The following EPHB1 variants were observed in gnomAD, a reference collection of about 807,000 sequenced individuals.
The protein encoded by EPHB1 is ephrin type-B receptor 1.
A neutral mutation model predicts 94.4 loss-of-function variants in EPHB1; 30 were observed. That is an observed-to-expected ratio of 0.32 (90% CI 0.24 to 0.43). The LOEUF is 0.43. EPHB1 is among the 20% of genes least tolerant of loss of function. The probability of loss-of-function intolerance (pLI) is 1.00; values close to 1 mark genes in which losing one functional copy is unlikely to be tolerated. For synonymous variants in EPHB1, 522 were observed against 489.1 expected, an observed-to-expected ratio of 1.07 and a Z score of -0.89; for missense variants, 1,055 against 1,308.3, an observed-to-expected ratio of 0.81 and a Z score of 2.99.
At chr3:135,258,623 T>C (rs1422847509) in intron 15 of EPHB1, among the ~76,000 whole-genome samples, 1 of 152,188 alleles carries the variant, frequency 6.6e-6, no homozygotes, top group East Asian at 1.9e-4. Context: ...GGGTGATCAC[T>C]AATTTAGGCA....
At chr3:135,017,333 A>C (rs1291135721) in intron 3 of EPHB1, among the ~76,000 whole-genome samples, 1 of 152,236 alleles carries the variant, frequency 6.6e-6, no homozygotes, top group Non-Finnish European at 1.5e-5. Flanking sequence ...AGATTTTCCC[A>C]GAGGGGAAAT....
intron 10 of EPHB1, among the ~76,000 whole-genome samples, chr3:135,183,119 A>G (rs1278079984): frequency 7.1e-6 from 1 of 141,520 alleles, no homozygotes; most frequent in Admixed American, 7.5e-5. Flanking sequence ...CTTGACATCA[A>G]TCATAGTGGG....
chr3:135,079,772 G>A (rs761407763), intron 3 of EPHB1, among the ~76,000 whole-genome samples: 4 of 149,150 alleles, frequency 2.7e-5, no homozygotes, highest in Non-Finnish European at 4.4e-5. Flanking sequence ...CTGTCTCAGA[G>A]GCACTGCAGA....
At chr3:135,195,606 T>A (rs1576461142) in intron 11 of EPHB1, among the ~76,000 whole-genome samples, 2 of 148,196 alleles carry the variant, frequency 1.3e-5, no homozygotes, top group South Asian at 4.3e-4. Flanking sequence ...GTTCTCCCGA[T>A]AGTTTACTGA....
chr3:135,171,915 T>A (rs1299443418), intron 9 of EPHB1, among the ~76,000 whole-genome samples: 1 of 152,184 alleles, frequency 6.6e-6, no homozygotes, highest in Admixed American at 6.5e-5. Flanking sequence ...ATTAGTGATT[T>A]GCAAAACAAG....
intron 1 of EPHB1, among the ~76,000 whole-genome samples, chr3:134,831,738 G>A (rs750335953): frequency 3.7e-4 from 56 of 152,150 alleles, no homozygotes; most frequent in Non-Finnish European, 5.9e-4. Context: ...TTTTTGTCCC[G>A]TTTTATAACA....
chr3:134,970,627 G>C (rs771904388), intron 3 of EPHB1, among the ~76,000 whole-genome samples: 1 of 152,070 alleles, frequency 6.6e-6, no homozygotes, highest in East Asian at 1.9e-4. Flanking sequence ...GGATCTGCTT[G>C]TTAACTGATG....
intron 3 of EPHB1, among the ~76,000 whole-genome samples, chr3:135,104,892 T>C (rs1347249801): frequency 6.6e-6 from 1 of 152,234 alleles, no homozygotes; most frequent in African/African-American, 2.4e-5. Context: ...TTTCACAGCA[T>C]AGGAAACAAT....
rs138169227 is a variant in EPHB1, at chr3:135,073,052, A to T, written c.806-33396A>T. ...GGACATTGAATAAATGCAAGTTAAG[A>T]ACTTTCTATAGGCTCTCAGGTTTTT... On this transcript the variant is annotated intron_variant, in intron 3 of 15. Transcript: ENST00000398015. Among the ~76,000 whole-genome samples the T allele has an allele frequency of 2.3e-3, 357 of 152,136 alleles. 1 individual carries two copies. The highest frequency in any genetic ancestry group is 3.7e-3 in the Non-Finnish European group (254 of 67,986).
intron 2 of EPHB1, among the ~76,000 whole-genome samples, chr3:134,937,764 G>A (rs559259058): frequency 9.5e-4 from 144 of 152,296 alleles, no homozygotes; most frequent in African/African-American, 3.3e-3. Flanking sequence ...TCCCACCCCT[G>A]CCTTGTTCTA....
At chr3:134,962,357 C>G (rs967791986) in intron 3 of EPHB1, among the ~76,000 whole-genome samples, 7 of 152,148 alleles carry the variant, frequency 4.6e-5, no homozygotes, top group Admixed American at 4.6e-4. Context: ...CTGTCCCATT[C>G]CCTCCAACCC....
chr3:134,926,063 C>T (rs1032698638), intron 2 of EPHB1, among the ~76,000 whole-genome samples, 183 bp downstream of exon 2: 1 of 152,160 alleles, frequency 6.6e-6, no homozygotes, highest in Non-Finnish European at 1.5e-5. Context: ...GCTGCTGCCT[C>T]GTGTGCTGAT....
intron 11 of EPHB1, among the ~76,000 whole-genome samples, chr3:135,199,555 G>A (rs1942704612): frequency 6.6e-6 from 1 of 152,226 alleles, no homozygotes; most frequent in African/African-American, 2.4e-5. Context: ...TCCTGGGCAG[G>A]TTTGGAGGTG....
chr3:135,000,584 C>A (rs1935140859), intron 3 of EPHB1, among the ~76,000 whole-genome samples: 2 of 152,314 alleles, frequency 1.3e-5, no homozygotes, highest in South Asian at 4.1e-4. Context: ...GCAACACATT[C>A]TAGAACTCAA....
At chr3:135,027,609 C>T (rs1324277114) in intron 3 of EPHB1, among the ~76,000 whole-genome samples, 3 of 151,214 alleles carry the variant, frequency 2.0e-5, no homozygotes, top group Non-Finnish European at 4.4e-5. Flanking sequence ...CTGCTGGATT[C>T]GTTTTGCCAG....
intron 3 of EPHB1, among the ~76,000 whole-genome samples, chr3:135,053,049 A>ATATATATATATATATG (rs1208348401): frequency 6.6e-5 from 9 of 136,816 alleles, no homozygotes; most frequent in Non-Finnish European, 1.1e-4. Context: ...ATATATATAT[A>ATATATATATATATATG]TATATAAAGT....
chr3:134,940,385 C>A (rs1030053630), intron 2 of EPHB1, among the ~76,000 whole-genome samples: 1 of 152,278 alleles, frequency 6.6e-6, no homozygotes, highest in South Asian at 2.1e-4. Flanking sequence ...TAGTATTTTG[C>A]GAGTGAGGAA....
intron 5 of EPHB1, among the ~76,000 whole-genome samples, chr3:135,143,546 C>T (rs1480889027): frequency 6.6e-6 from 1 of 152,154 alleles, no homozygotes; most frequent in Non-Finnish European, 1.5e-5. Flanking sequence ...CTCCTGTGGC[C>T]TCTCCACTGC....
chr3:135,179,175 G>T (rs553011679), intron 9 of EPHB1, among the ~76,000 whole-genome samples: 1 of 152,150 alleles, frequency 6.6e-6, no homozygotes, highest in South Asian at 2.1e-4. Flanking sequence ...CATTTTATTT[G>T]TTTTTCATAC....
Sources: gnomAD v4.1 joint callset for allele counts (sites outside exome capture counted in the v4.1 genomes callset) on GRCh38, gnomAD v4.1.1 for gene constraint, MANE v1.5 for transcripts, NCBI Gene and HGNC (gene_info 2026-07-23, HGNC 2026-07-21) for gene names.